Variants in FBH1 observed in about 807,000 individuals in gnomAD.
FBH1 encodes the protein DNA 3'-5' helicase 1.
Under a neutral mutation model 115.5 loss-of-function variants are expected in FBH1, and 43 were observed. The ratio of observed to expected loss-of-function variants is 0.37; its 90% CI spans 0.29 to 0.48. The LOEUF (loss-of-function observed/expected upper bound fraction) is 0.48. Among genes scored for constraint, FBH1 ranks in the 20% least tolerant of loss-of-function variants. The pLI, the probability that FBH1 is intolerant of heterozygous loss-of-function variation, is 0.99. For synonymous variants in FBH1, 524 were observed against 507.8 expected (o/e 1.03, Z -0.43); for missense variants, 1,001 against 1,337.3 (o/e 0.75, Z 3.92).
chr10:5,928,072 CAAAAAAAA>C (rs1010342333), intron 19 of FBH1, among the ~76,000 whole-genome samples: 2 of 24,752 alleles, frequency 8.1e-5, no homozygotes, highest in Admixed American at 4.3e-4. Flanking sequence ...GACTCCATCT[CAAAAAAAA>C]AAAAAAAAAA....
Position 5,913,451 on chromosome 10 carries a change from GTTGT to G in FBH1, c.1212-291_1212-288del, listed in dbSNP as rs1263997423. Among the ~76,000 whole-genome samples, 2 of 152,214 alleles carry G rather than the reference GTTGT, an allele frequency of 1.3e-5. No individual in the cohort carries two copies. Among genetic ancestry groups the G allele is most frequent in the East Asian group, 1.9e-4 (1 of 5,176 alleles). On this transcript the variant is annotated intron_variant, in intron 6 of 20. Transcript: ENST00000362091. The surrounding 1 kb of genome is among the most constrained non-coding windows in gnomAD (Gnocchi z 4.4). ...TCCACTGGTCCTTACAGTTTTTCAGGTTGTTTGTCTCTTCAAGTCACAGCTGGCG... is the reference window on the plus strand; with the variant it reads ...TCCACTGGTCCTTACAGTTTTTCAGGTTGTCTCTTCAAGTCACAGCTGGCG...
Position 5,924,372 on chromosome 10 carries a change from C to T in FBH1, c.2460C>T (p.Gly820=), listed in dbSNP as rs778277192. 6 of 1,614,178 alleles carry T rather than the reference C, an allele frequency of 3.7e-6. No individual in the cohort carries two copies. The Admixed American group carries it at 1.0e-4, about 27-fold the overall frequency. Residue 820 remains glycine (G), a synonymous_variant, in exon 17 of 21, where the codon GGC becomes GGT. Coordinates refer to ENST00000362091, the MANE Select transcript of FBH1 (RefSeq NM_178150.3). The surrounding 1 kb of genome is among the most constrained non-coding windows in gnomAD (Gnocchi z 6.2). Reference sequence around the variant, plus strand: ...GGGTGCACAAAGAAGGCTTTAGTGGCTTCAAGAGGTATGTGACCGCTGCCG... The same window carrying T: ...GGGTGCACAAAGAAGGCTTTAGTGGTTTCAAGAGGTATGTGACCGCTGCCG... ...RRWVHKEGFS[G]FKRYVTAAED...
chr10:5,921,555 A>T lies in FBH1; in HGVS notation c.2308A>T (p.Ile770Leu). 1.9e-6 allele frequency: 3 copies of T among 1,594,734 alleles called. No homozygotes were observed. Among genetic ancestry groups the T allele is most frequent in the Non-Finnish European group, 2.6e-6 (3 of 1,175,536 alleles). Residue 770 changes from isoleucine (I) to leucine (L), a missense_variant, in exon 15 of 21, where the codon ATA (isoleucine) becomes TTA (leucine). Physicochemically the swap from Ile to Leu is conservative, Grantham distance 5. Coordinates refer to ENST00000362091, the MANE Select transcript of FBH1 (RefSeq NM_178150.3). This position sits in a 1 kb window ranked among gnomAD's most constrained non-coding sequence, Gnocchi z 6.4. Reference protein sequence around the residue: ...RVTEGEFPSRIHLIGGIKSFG... With the variant: ...RVTEGEFPSRLHLIGGIKSFG... ...GACGGAAGGGGAATTCCCTTCAAGG[A>T]TACATTTGATTGGGGTAAGAGTACA...
chr10:5,917,780 G>A lies in FBH1; in HGVS notation c.1963+104G>A. 1.1e-6 allele frequency: 1 copy of A among 915,654 alleles called. No homozygotes were observed. The highest frequency in any genetic ancestry group is 1.7e-6 in the Non-Finnish European group (1 of 588,494). The allele number at this position is 915,654 out of a possible 1,614,324, so 56.7% of individuals were successfully genotyped here. A position where few individuals can be genotyped will look rare whatever the true frequency, so the allele number is the denominator to read the frequency against. On this transcript the variant is annotated intron_variant, in intron 12 of 20. Coordinates refer to ENST00000362091, the MANE Select transcript of FBH1 (RefSeq NM_178150.3). This position sits in a 1 kb window ranked among gnomAD's most constrained non-coding sequence, Gnocchi z 5.6. ...AACTAAGTTGATTATTATTATTTGT[G>A]ATAAAGAAGAGGATCTTCATACTTA...
intron 18 of FBH1, among the ~76,000 whole-genome samples, chr10:5,927,155 A>T (rs762893287): frequency 2.6e-5 from 4 of 152,234 alleles, no homozygotes; most frequent in Non-Finnish European, 5.9e-5. Flanking sequence ...GTAAACAGCC[A>T]TCTGTCACAT....
Position 5,918,240 on chromosome 10 carries a change from G to C in FBH1, c.1964-102G>C, listed in dbSNP as rs187856792. ...CAGGAAAAGGCGACCGTGAGGTCCA[G>C]TGTGCCCTGGCTTAGCTTCGTGGAA... is the stretch of plus-strand genomic sequence containing the variant. On this transcript the variant is annotated intron_variant, in intron 12 of 20. Coordinates refer to ENST00000362091, the MANE Select transcript of FBH1 (RefSeq NM_178150.3). The surrounding 1 kb of genome is among the most constrained non-coding windows in gnomAD (Gnocchi z 4.0). 1.4e-6 allele frequency: 2 copies of C among 1,443,350 alleles called. No homozygotes were observed. The highest frequency in any genetic ancestry group is 4.7e-5 in the East Asian group (2 of 42,762). The allele number at this position is 1,443,350 out of a possible 1,614,324, so 89.4% of individuals were successfully genotyped here.
At chr10:5,902,653 C>G (rs966998355) in intron 1 of FBH1, among the ~76,000 whole-genome samples, 1 of 151,992 alleles carries the variant, frequency 6.6e-6, no homozygotes, top group Non-Finnish European at 1.5e-5. Context: ...TTTTAGTAGA[C>G]TTACTAAAAA....
At position 5,927,548 on chromosome 10, in the gene FBH1, A is replaced by G. The variant is rs1480195690; in HGVS notation, c.2829+7A>G. On this transcript the variant is annotated splice_region_variant and intron_variant, in intron 19 of 20. Coordinates refer to ENST00000362091, the MANE Select transcript of FBH1 (RefSeq NM_178150.3). ...CATTTTGACTTTGGCTGGGGTAAGC[A>G]GAACGGGCAGCATGAGCTAACTTGA... The G allele has an allele frequency of 6.2e-7, 1 of 1,607,924 alleles. No individual in the cohort carries two copies. Among genetic ancestry groups the G allele is most frequent in the Non-Finnish European group, 8.5e-7 (1 of 1,176,016 alleles).
Position 5,895,217 on chromosome 10 carries a change from C to A in FBH1, c.1+4871C>A, listed in dbSNP as rs199546997. The A allele has an allele frequency of 3.8e-6, 6 of 1,592,952 alleles. 1 individual carries two copies. The highest frequency in any genetic ancestry group is 4.3e-6 in the Non-Finnish European group (5 of 1,166,966). ...GAGGCATGTGGGAAACTGACCAGGGCGGTTAGCTGACTCCAAAATTGTCCA... is the reference window on the plus strand; with the variant it reads ...GAGGCATGTGGGAAACTGACCAGGGAGGTTAGCTGACTCCAAAATTGTCCA... On this transcript the variant is annotated intron_variant, in intron 1 of 20. Transcript: ENST00000362091. The surrounding 1 kb of genome is among the most constrained non-coding windows in gnomAD (Gnocchi z 5.0).
chr10:5,924,238 G>A lies in FBH1; in HGVS notation c.2399-73G>A. The A allele has an allele frequency of 6.7e-7, 1 of 1,492,068 alleles. No homozygotes were observed. The highest frequency in any genetic ancestry group is 2.3e-5 in the East Asian group (1 of 43,800). 92.4% of individuals were successfully genotyped at this position (1,492,068 alleles called of 1,614,324 possible). A position where few individuals can be genotyped will look rare whatever the true frequency, so the allele number is the denominator to read the frequency against. On this transcript the variant is annotated intron_variant, in intron 16 of 20. Coordinates refer to ENST00000362091, the MANE Select transcript of FBH1 (RefSeq NM_178150.3). This position sits in a 1 kb window ranked among gnomAD's most constrained non-coding sequence, Gnocchi z 6.2. ...CCATCTGCTCTTGCGCAGCTGCTTA[G>A]GAACGTGCAGCACCTGCCACCATCT...
rs1832470610 is a variant in FBH1 at position 5,924,018 on chromosome 10, C to A, written c.2399-293C>A. On this transcript the variant is annotated intron_variant, in intron 16 of 20. Transcript: ENST00000362091. This position sits in a 1 kb window ranked among gnomAD's most constrained non-coding sequence, Gnocchi z 6.2. The stretch of plus-strand genomic sequence containing the variant: ...GTGGGCCCCAAGTGATAGCGTCGAG[C>A]ATTTCTATAGCGCTTTTCTTTTCCT... The A allele has an allele frequency of 7.1e-6, 4 of 561,180 alleles. No homozygotes were observed. 34.8% of individuals were successfully genotyped at this position (561,180 alleles called of 1,614,324 possible). A position where few individuals can be genotyped will look rare whatever the true frequency, so the allele number is the denominator to read the frequency against.
Position 5,914,137 on chromosome 10 carries a change from GTCTT to G in FBH1, c.1305-37_1305-34del, listed in dbSNP as rs760066190. 9 of 1,594,220 alleles carry G rather than the reference GTCTT, an allele frequency of 5.6e-6. No individual in the cohort carries two copies. In the Admixed American group the frequency reaches 1.2e-4, roughly 21 times the overall value. On this transcript the variant is annotated intron_variant, in intron 7 of 20. Coordinates refer to ENST00000362091, the MANE Select transcript of FBH1 (RefSeq NM_178150.3). This position sits in a 1 kb window ranked among gnomAD's most constrained non-coding sequence, Gnocchi z 5.2. ...ACTGTCTATCCCCTGGACTTTTCAC[GTCTT>G]TCTGTTTTTCTTACTTCTCTTTTGT...
In FBH1 at chr10:5,925,090, C is replaced by T. The variant is rs774761083; in HGVS notation, c.2597-277C>T. Among the ~76,000 whole-genome samples, 37 of 152,176 alleles carry T rather than the reference C, an allele frequency of 2.4e-4. No homozygotes were observed. Among genetic ancestry groups the T allele is most frequent in the Non-Finnish European group, 4.3e-4 (29 of 68,032 alleles). On this transcript the variant is annotated intron_variant, in intron 17 of 20. Coordinates refer to ENST00000362091, the MANE Select transcript of FBH1 (RefSeq NM_178150.3). The surrounding 1 kb of genome is among the most constrained non-coding windows in gnomAD (Gnocchi z 4.6). ...TGTCCCTTCATGTGTTAGATCCAGA[C>T]GGTGGGTGGAGCCACTCTGTCCTCT...
Position 5,923,714 on chromosome 10 carries a change from C to G in FBH1, c.2398+18C>G, listed in dbSNP as rs1171460572. The G allele has an allele frequency of 1.2e-6, 2 of 1,609,224 alleles. No homozygotes were observed. The highest frequency in any genetic ancestry group is 2.2e-5 in the South Asian group (2 of 90,404). On this transcript the variant is annotated intron_variant, in intron 16 of 20. Coordinates refer to ENST00000362091, the MANE Select transcript of FBH1 (RefSeq NM_178150.3). This position sits in a 1 kb window ranked among gnomAD's most constrained non-coding sequence, Gnocchi z 5.7. ...GAGGAAACGTGAGTACCCACCTGGCCTTGGTGCATTGGAAGGACGCACCCA... is the reference window on the plus strand; with the variant it reads ...GAGGAAACGTGAGTACCCACCTGGCGTTGGTGCATTGGAAGGACGCACCCA...
chr10:5,909,449 A>G lies in FBH1; in HGVS notation c.1020+155A>G. 1.2e-6 allele frequency: 1 copy of G among 862,518 alleles called. No homozygotes were observed. Among genetic ancestry groups the G allele is most frequent in the Non-Finnish European group, 1.7e-6 (1 of 586,476 alleles). 53.4% of individuals were successfully genotyped at this position (862,518 alleles called of 1,614,324 possible). Reference sequence around the variant, plus strand: ...AAGCATTCATGTTGTCATTGTCCCCAGTGGAGAAATAAAAGGCCATATAAT... The same window carrying G: ...AAGCATTCATGTTGTCATTGTCCCCGGTGGAGAAATAAAAGGCCATATAAT... On this transcript the variant is annotated intron_variant, in intron 5 of 20. Coordinates refer to ENST00000362091, the MANE Select transcript of FBH1 (RefSeq NM_178150.3). The surrounding 1 kb of genome is among the most constrained non-coding windows in gnomAD (Gnocchi z 4.4).
In FBH1 at chr10:5,937,086, T is replaced by G. The variant is rs371134135; in HGVS notation, c.2962-24T>G. On this transcript the variant is annotated intron_variant, in intron 20 of 20. Coordinates refer to ENST00000362091, the MANE Select transcript of FBH1 (RefSeq NM_178150.3). ...ATGTTCTTTGGTTGTTCCCCTTAGC[T>G]CTCTCTCTTGTCCATCACCACAGAG... The G allele has an allele frequency of 1.9e-5, 30 of 1,567,632 alleles. No homozygotes were observed. The African/African-American group carries it at 3.1e-4, about 16-fold the overall frequency.
intron 2 of FBH1, among the ~76,000 whole-genome samples, chr10:5,904,122 C>T (rs777542690): frequency 2.6e-5 from 4 of 151,878 alleles, no homozygotes; most frequent in Non-Finnish European, 4.4e-5. Flanking sequence ...ACCATTTCAG[C>T]TCACTGCAGC....
chr10:5,918,451 C>T lies in FBH1; in HGVS notation c.2073C>T (p.Pro691=), dbSNP rs1195202129. 1.9e-6 allele frequency: 3 copies of T among 1,604,500 alleles called. No homozygotes were observed. Among genetic ancestry groups the T allele is most frequent in the African/African-American group, 2.7e-5 (2 of 74,076 alleles). The change falls in exon 13 of 21, where the codon CCC becomes CCT. Residue 691 remains proline, a synonymous_variant. Transcript: ENST00000362091. This position sits in a 1 kb window ranked among gnomAD's most constrained non-coding sequence, Gnocchi z 4.0. ...CGGTCAACGCCCTGTTCACAGTGCC[C>T]CACACCCACGTCTTCTATCTCACGC... ...RGAVNALFTV[P]HTHVFYLTQS... is the part of the protein sequence containing the mutation.
intron 1 of FBH1, among the ~76,000 whole-genome samples, chr10:5,901,716 C>T (rs891970851): frequency 1.3e-5 from 2 of 151,720 alleles, no homozygotes; most frequent in Non-Finnish European, 2.9e-5. Context: ...AGGTGCCCAC[C>T]ACCACACCTG....
Sources: gnomAD v4.1 joint callset for allele counts (sites outside exome capture counted in the v4.1 genomes callset) on GRCh38, gnomAD v4.1.1 for gene constraint, Gnocchi (gnomAD v3.1) non-coding constraint, MANE v1.5 for transcripts, NCBI Gene and HGNC (gene_info 2026-07-23, HGNC 2026-07-21) for gene names.